Variants in FMN1 observed in about 807,000 individuals in gnomAD.
FMN1 encodes the protein formin-1.
A neutral mutation model predicts 132.4 loss-of-function variants in FMN1; 110 were observed. That is an observed-to-expected ratio of 0.83 (90% CI 0.71 to 0.97). FMN1 has a LOEUF of 0.97. FMN1 is among the 50% of genes least tolerant of loss of function. The probability of loss-of-function intolerance (pLI) is 0.00; values close to 1 mark genes in which losing one functional copy is unlikely to be tolerated. For synonymous variants in FMN1, 722 were observed against 651.7 expected (o/e 1.11, Z -1.64); for missense variants, 1,792 against 1,705.3 (o/e 1.05, Z -0.90).
chr15:32,774,238 A>T lies in FMN1; in HGVS notation c.*72T>A, dbSNP rs1463300058. 1.7e-6 allele frequency: 2 copies of T among 1,187,562 alleles called. No homozygotes were observed. 73.6% of individuals were successfully genotyped at this position (1,187,562 alleles called of 1,614,324 possible). A position where few individuals can be genotyped will look rare whatever the true frequency, so the allele number is the denominator to read the frequency against. ...ACACATCTTTCAAGAACGTCCTGCA[A>T]CCCTGTGGTCACAAAGAGTATGCGT... On this transcript the variant is annotated 3_prime_UTR_variant, in exon 21 of 21. Transcript: ENST00000616417.
intron 4 of FMN1, among the ~76,000 whole-genome samples, chr15:33,146,208 T>C (rs1964214451): frequency 6.6e-6 from 1 of 152,128 alleles, no homozygotes. Context: ...AGAGAGGAAG[T>C]CCCTACCTCT....
rs545248396 is a variant in FMN1, at chr15:32,963,358, G to C, written c.3138+749C>G. 3.8e-5 allele frequency among the ~76,000 whole-genome samples: 5 copies of C among 132,846 alleles called. No individual in the cohort carries two copies. The Admixed American group carries it at 3.8e-4, about 10-fold the overall frequency. 87.2% of individuals were successfully genotyped at this position (132,846 alleles called of 152,430 possible). On this transcript the variant is annotated intron_variant, in intron 9 of 20. Coordinates refer to ENST00000616417, the MANE Select transcript of FMN1 (RefSeq NM_001277313.2). ...GGGACTGTTGTGGGGTCGGGGGGGT[G>C]GGGGGAGGGAAAGCACTGGGAGATA...
At chr15:33,150,228 C>G in intron 4 of FMN1, 3 of 985,426 alleles carry the variant, frequency 3.0e-6, no homozygotes, top group East Asian at 1.1e-4. Context: ...AGAAAGGAAT[C>G]CTAGCACCAA....
intron 17 of FMN1, among the ~76,000 whole-genome samples, chr15:32,810,441 C>T (rs922302139): frequency 2.0e-5 from 3 of 152,224 alleles, no homozygotes; most frequent in Non-Finnish European, 4.4e-5. Flanking sequence ...CAGGCACAAA[C>T]AGCACTAACA....
intron 7 of FMN1, among the ~76,000 whole-genome samples, chr15:32,979,572 A>AG (rs1295534019): frequency 6.6e-6 from 1 of 151,496 alleles, no homozygotes; most frequent in African/African-American, 2.4e-5. Flanking sequence ...AAAAAAAAAA[A>AG]AAAAAAAGAA....
intron 17 of FMN1, among the ~76,000 whole-genome samples, chr15:32,810,708 G>A (rs1471401169): frequency 1.3e-5 from 2 of 152,126 alleles, no homozygotes; most frequent in East Asian, 3.9e-4. Context: ...AAGAAAGTGG[G>A]GCTTTTATGC....
intron 7 of FMN1, chr15:32,970,779 T>C (rs2031716071): frequency 7.8e-6 from 1 of 128,798 alleles, no homozygotes; most frequent in Non-Finnish European, 1.7e-5. Flanking sequence ...AGATCTACCA[T>C]TTGTCTGGTG....
At position 32,922,227 on chromosome 15, in the gene FMN1, G is replaced by A. The variant is rs921301838; in HGVS notation, c.3226+3947C>T. ...AGCTGGCACTCTATACAGTTTTATG[G>A]AAGGAAAGAAGGCAGGCAAGCAGGC... On this transcript the variant is annotated intron_variant, in intron 10 of 20. Transcript: ENST00000616417. Among the ~76,000 whole-genome samples the A allele has an allele frequency of 2.6e-5, 4 of 152,162 alleles. No homozygotes were observed. In the South Asian group the frequency reaches 6.2e-4, roughly 24 times the overall value.
At chr15:32,853,218 A>C (rs2059048388) in intron 17 of FMN1, among the ~76,000 whole-genome samples, 2 of 152,164 alleles carry the variant, frequency 1.3e-5, no homozygotes, top group South Asian at 4.1e-4. Context: ...TTCAACTCTA[A>C]ACAAAAATAT....
Position 32,922,381 on chromosome 15 carries a change from A to G in FMN1, c.3226+3793T>C, listed in dbSNP as rs143784913. ...CTTGAATATATGACTTTTATGCATG[A>G]CACATTAGCCCAGTTATTTGCAAAC... On this transcript the variant is annotated intron_variant, in intron 10 of 20. Coordinates refer to ENST00000616417, the MANE Select transcript of FMN1 (RefSeq NM_001277313.2). Among the ~76,000 whole-genome samples, 429 of 152,358 alleles carry G rather than the reference A, an allele frequency of 2.8e-3. 2 individuals are homozygous for G. Among genetic ancestry groups the G allele is most frequent in the African/African-American group, 9.7e-3 (405 of 41,580 alleles).
intron 9 of FMN1, among the ~76,000 whole-genome samples, chr15:32,956,824 T>G (rs139013223): frequency 6.6e-6 from 1 of 152,168 alleles, no homozygotes; most frequent in South Asian, 2.1e-4. Flanking sequence ...TGGAAAGCAA[T>G]AGGTTATGAA....
chr15:32,832,233 T>C (rs550855660), intron 17 of FMN1, among the ~76,000 whole-genome samples: 9 of 152,340 alleles, frequency 5.9e-5, no homozygotes, highest in South Asian at 2.1e-4. Context: ...TGAAAAAACA[T>C]TGACCCTTCT....
chr15:33,054,791 T>C lies in FMN1; in HGVS notation c.2161+10166A>G, dbSNP rs573971692. 6.6e-5 allele frequency among the ~76,000 whole-genome samples: 10 copies of C among 152,348 alleles called. No homozygotes were observed. The East Asian group carries it at 1.9e-3, about 29-fold the overall frequency. The stretch of plus-strand genomic sequence containing the variant: ...ACAGTTTTTGGTGAAAGCTTTTATG[T>C]CTCAGTTATTTAAAACTCTATATTG... On this transcript the variant is annotated intron_variant, in intron 6 of 20. Transcript: ENST00000616417.
At chr15:33,077,354 A>AAT (rs1237043237) in intron 5 of FMN1, among the ~76,000 whole-genome samples, 92 of 93,636 alleles carry the variant, frequency 9.8e-4, no homozygotes, top group East Asian at 1.0e-3. Context: ...TTTTTTTTTT[A>AAT]ATATATATAT....
intron 16 of FMN1, among the ~76,000 whole-genome samples, chr15:32,859,247 G>C (rs1235588935): frequency 6.6e-6 from 1 of 152,150 alleles, no homozygotes; most frequent in Admixed American, 6.5e-5. Context: ...AAGGGGGAAA[G>C]GTACAAAAGA....
chr15:32,817,887 A>T (rs2058100376), intron 17 of FMN1, among the ~76,000 whole-genome samples: 1 of 152,218 alleles, frequency 6.6e-6, no homozygotes, highest in Admixed American at 6.5e-5. Flanking sequence ...GAATAATCAC[A>T]TTGATATGGT....
chr15:32,863,367 G>C (rs951865890), intron 16 of FMN1, among the ~76,000 whole-genome samples: 1 of 152,176 alleles, frequency 6.6e-6, no homozygotes, highest in Non-Finnish European at 1.5e-5. Context: ...CCGGGAGGCG[G>C]AGCTTGCAGT....
At chr15:32,888,325 C>T in intron 15 of FMN1, 33 bp from the exon 16 acceptor site, 1 of 1,542,756 alleles carries the variant, frequency 6.5e-7, no homozygotes, top group Non-Finnish European at 8.7e-7. Context: ...GTACATTATA[C>T]TTCCCAATTG....
At chr15:33,109,265 CTA>C (rs1294016851) in intron 4 of FMN1, among the ~76,000 whole-genome samples, 3 of 152,178 alleles carry the variant, frequency 2.0e-5, no homozygotes, top group African/African-American at 7.2e-5. Context: ...TAGAAATCCA[CTA>C]TAGTTTCCTT....
Sources: allele counts gnomAD v4.1 joint callset (sites outside exome capture counted in the v4.1 genomes callset), GRCh38; gene constraint gnomAD v4.1.1; transcripts MANE v1.5; gene names NCBI Gene and HGNC (gene_info 2026-07-23, HGNC 2026-07-21).